ACTR3C: variants seen among roughly 807,000 people sequenced by gnomAD.
The protein encoded by ACTR3C is actin-related protein 3C.
ACTR3C carries 18 observed loss-of-function variants against 26.3 expected under a neutral mutation model. That is an observed-to-expected ratio of 0.68 (90% CI 0.47 to 1.01). ACTR3C has a LOEUF of 1.01. Among genes scored for constraint, ACTR3C ranks in the 50% least tolerant of loss-of-function variants. The pLI is 0.00. For synonymous variants in ACTR3C, 55 were observed against 94.5 expected (o/e 0.58, Z 2.42); for missense variants, 184 against 250.7 (o/e 0.73, Z 1.80).
At chr7:149,932,759 C>T in the ACTR3C span, among the ~76,000 whole-genome samples, 1 of 150,618 alleles carries the variant, frequency 6.6e-6, no homozygotes, top group East Asian at 2.0e-4. Context: ...CGAGACAGGG[C>T]AGGGCAGGGC....
chr7:149,973,346 A>C, the ACTR3C span, among the ~76,000 whole-genome samples: 1 of 152,222 alleles, frequency 6.6e-6, no homozygotes, highest in East Asian at 1.9e-4. Flanking sequence ...ATCAGGAAGT[A>C]AATGATCATG....
chr7:149,930,954 C>T, the ACTR3C span, among the ~76,000 whole-genome samples: 1 of 152,228 alleles, frequency 6.6e-6, no homozygotes, highest in Non-Finnish European at 1.5e-5. Context: ...CAACCTCCGC[C>T]TCCTGGGTTC....
chr7:149,914,678 CAG>C, the ACTR3C span, among the ~76,000 whole-genome samples: 21 of 148,160 alleles, frequency 1.4e-4, no homozygotes, highest in Non-Finnish European at 3.0e-4. Flanking sequence ...TCCTTAGGAA[CAG>C]ATGATGGGAG....
At chr7:150,198,753 G>A in the ACTR3C span, among the ~76,000 whole-genome samples, 5 of 76,540 alleles carry the variant, frequency 6.5e-5, no homozygotes, top group South Asian at 4.1e-4. Context: ...GGAGGGAGGT[G>A]GGGGGGGGTC....
At chr7:149,967,716 C>A in the ACTR3C span, among the ~76,000 whole-genome samples, 1 of 152,188 alleles carries the variant, frequency 6.6e-6, no homozygotes, top group Non-Finnish European at 1.5e-5. Flanking sequence ...AAGTTGGTGA[C>A]ACTAGCCACA....
chr7:149,888,864 C>T, the ACTR3C span, among the ~76,000 whole-genome samples: 708 of 151,926 alleles, frequency 4.7e-3, 2 homozygotes, highest in African/African-American at 0.016. Context: ...AAAAAGTAGC[C>T]GGACGTGGTG....
chr7:149,957,581 C>T, the ACTR3C span, among the ~76,000 whole-genome samples: 1 of 152,250 alleles, frequency 6.6e-6, no homozygotes, highest in Non-Finnish European at 1.5e-5. Context: ...ACCAGTGGCA[C>T]CCCAGGTTCT....
chr7:149,978,975 A>T, the ACTR3C span, among the ~76,000 whole-genome samples: 2 of 151,656 alleles, frequency 1.3e-5, no homozygotes, highest in Admixed American at 1.3e-4. Flanking sequence ...TGAGCGGAAA[A>T]TCCCTCTCTA....
chr7:150,199,778 G>A, the ACTR3C span, among the ~76,000 whole-genome samples: 4 of 137,410 alleles, frequency 2.9e-5, no homozygotes, highest in East Asian at 8.5e-4. Context: ...CCAAGATTGT[G>A]TGAGGTAACA....
chr7:150,213,140 A>G, the ACTR3C span, among the ~76,000 whole-genome samples: 6 of 152,088 alleles, frequency 3.9e-5, no homozygotes, highest in African/African-American at 7.2e-5. Context: ...TTCAAGTCCA[A>G]AATCAAGCTG....
intron 1 of ACTR3C, among the ~76,000 whole-genome samples, 156 bp from the exon 2 acceptor site, chr7:150,295,503 T>C (rs1836674206): frequency 6.6e-6 from 1 of 152,304 alleles, no homozygotes; most frequent in African/African-American, 2.4e-5. Flanking sequence ...TAAAGAAATC[T>C]GGCCGTGGGC....
chr7:150,271,629 A>ATACGT (rs1834459177), intron 6 of ACTR3C, among the ~76,000 whole-genome samples: 1 of 145,742 alleles, frequency 6.9e-6, no homozygotes, highest in African/African-American at 2.7e-5. Context: ...TATTATGAAC[A>ATACGT]GTGCTGCAAT....
chr7:150,170,614 A>G, the ACTR3C span, among the ~76,000 whole-genome samples: 21,575 of 150,430 alleles, frequency 0.14, 3,295 homozygotes, highest in African/African-American at 0.32. Context: ...GCCACGTGTT[A>G]TATTTTTAGC....
At chr7:150,069,500 T>C in the ACTR3C span, among the ~76,000 whole-genome samples, 1 of 152,256 alleles carries the variant, frequency 6.6e-6, no homozygotes, top group African/African-American at 2.4e-5. Flanking sequence ...CACATCATCA[T>C]TGTGTTAGTG....
chr7:150,047,639 G>C, the ACTR3C span: 11 of 1,045,314 alleles, frequency 1.1e-5, no homozygotes, highest in Non-Finnish European at 1.3e-5. Flanking sequence ...TCCGCGCCTG[G>C]TACTGGAACC....
chr7:150,175,013 G>C, the ACTR3C span, among the ~76,000 whole-genome samples: 1 of 146,470 alleles, frequency 6.8e-6, no homozygotes, highest in African/African-American at 2.8e-5. Flanking sequence ...AAATTCATAT[G>C]GAAATGGAAA....
the ACTR3C span, among the ~76,000 whole-genome samples, chr7:150,220,007 C>T: frequency 3.3e-4 from 49 of 146,992 alleles, 3 homozygotes; most frequent in African/African-American, 1.2e-3. Context: ...CCGGCGGGAG[C>T]GGATGCACGG....
chr7:149,944,282 C>T, the ACTR3C span, among the ~76,000 whole-genome samples: 19 of 151,962 alleles, frequency 1.3e-4, no homozygotes, highest in East Asian at 1.9e-4. Flanking sequence ...GAGGTTTTGC[C>T]GGAACTAAGT....
chr7:150,144,945 A>G, the ACTR3C span, among the ~76,000 whole-genome samples: 5,834 of 150,362 alleles, frequency 0.039, 383 homozygotes, highest in African/African-American at 0.13. The surrounding 1 kb of genome is among the most constrained non-coding windows in gnomAD (Gnocchi z 4.6). Context: ...AGCTACTAGG[A>G]CGGCTGAAGC....
Sources: allele counts gnomAD v4.1 joint callset (sites outside exome capture counted in the v4.1 genomes callset), GRCh38; gene constraint gnomAD v4.1.1; non-coding constraint Gnocchi (gnomAD v3.1); transcripts MANE v1.5; gene names NCBI Gene and HGNC (gene_info 2026-07-23, HGNC 2026-07-21).